Variants in VWA8 observed in about 807,000 individuals in gnomAD.
VWA8 encodes the protein von Willebrand factor A domain containing 8.
VWA8 carries 221 observed loss-of-function variants against 241.5 expected under a neutral mutation model. The observed-to-expected ratio is 0.91, with a 90% CI of 0.82 to 1.02. The LOEUF (loss-of-function observed/expected upper bound fraction) is 1.02, where lower values mean the gene tolerates loss of function less well. Among genes scored for constraint, VWA8 ranks in the 50% least tolerant of loss-of-function variants. The probability of loss-of-function intolerance (pLI) is 0.00; values close to 1 mark genes in which losing one functional copy is unlikely to be tolerated. For missense variants in VWA8, 2,322 were observed against 2,328.7 expected (o/e 1.00, Z 0.06); for synonymous variants, 852 against 827.1 (o/e 1.03, Z -0.52).
chr13:41,657,116 A>G (rs574764272), intron 37 of VWA8, among the ~76,000 whole-genome samples: 1 of 152,258 alleles, frequency 6.6e-6, no homozygotes, highest in Admixed American at 6.5e-5. Flanking sequence ...CTGAAATTAC[A>G]CGGAGAGACA....
At chr13:41,771,994 G>T (rs1483629499) in intron 20 of VWA8, among the ~76,000 whole-genome samples, 3 of 146,574 alleles carry the variant, frequency 2.0e-5, no homozygotes, top group African/African-American at 7.5e-5. Context: ...GGGCTCAAGC[G>T]ATTCTCCCGC....
In VWA8 at chr13:41,907,693, G is replaced by C; in HGVS notation, c.376C>G (p.Leu126Val). 1 of 1,613,406 alleles carries C rather than the reference G, an allele frequency of 6.2e-7. No homozygotes were observed. Among genetic ancestry groups the C allele is most frequent in the Non-Finnish European group, 8.5e-7 (1 of 1,179,378 alleles). Residue 126 changes from leucine (L) to valine (V), a missense_variant, in exon 4 of 45, where the codon CTG becomes GTG. Leu to Val is a conservative substitution (Grantham distance 32). Coordinates refer to ENST00000379310, the MANE Select transcript of VWA8 (RefSeq NM_015058.2). ...RRSIAMQYLE[L>V]TKREVEYIAL... ...ATGTATTCGACCTCCCGTTTGGTCAGCTCCTGTAGAGAAGAGAATGAAATT... is the reference window on the plus strand; with the variant it reads ...ATGTATTCGACCTCCCGTTTGGTCACCTCCTGTAGAGAAGAGAATGAAATT...
intron 37 of VWA8, among the ~76,000 whole-genome samples, chr13:41,625,319 C>T (rs948432726): frequency 8.6e-5 from 13 of 151,950 alleles, no homozygotes; most frequent in Admixed American, 2.6e-4. Flanking sequence ...AGAAAATTTT[C>T]GCAACCTACT....
intron 12 of VWA8, among the ~76,000 whole-genome samples, chr13:41,849,108 C>T (rs990316616): frequency 6.6e-6 from 1 of 152,178 alleles, no homozygotes; most frequent in Non-Finnish European, 1.5e-5. Context: ...ATGGCTTCCA[C>T]TTCAAACAGC....
chr13:41,758,540 A>T (rs1045951040), intron 21 of VWA8, among the ~76,000 whole-genome samples: 2 of 116,520 alleles, frequency 1.7e-5, no homozygotes, highest in African/African-American at 6.3e-5. Flanking sequence ...AATACAATTG[A>T]TTTTTGTACA....
Position 41,783,893 on chromosome 13 carries a change from T to C in VWA8, c.2179A>G (p.Thr727Ala). The C allele has an allele frequency of 3.1e-6, 5 of 1,612,992 alleles. No homozygotes were observed. The highest frequency in any genetic ancestry group is 4.2e-6 in the Non-Finnish European group (5 of 1,179,340). Residue 727 changes from threonine (T) to alanine (A), a missense_variant, in exon 19 of 45, where the codon ACA becomes GCA. Transcript: ENST00000379310. ...GCACCAATCCTCAGAGTTCCAGATGTTACTTCACCTAAACATTTCACACAG... is the reference window on the plus strand; with the variant it reads ...GCACCAATCCTCAGAGTTCCAGATGCTACTTCACCTAAACATTTCACACAG... The part of the protein sequence containing the change: ...PELKDYKCEV[T>A]SGTLRIGAVS...
intron 37 of VWA8, among the ~76,000 whole-genome samples, chr13:41,648,049 C>T (rs551196618): frequency 6.6e-6 from 1 of 151,964 alleles, no homozygotes. Context: ...ATAAAACCCA[C>T]CACCTAGGAG....
At chr13:41,579,142 A>G (rs2044367684) in intron 42 of VWA8, among the ~76,000 whole-genome samples, 1 of 152,220 alleles carries the variant, frequency 6.6e-6, no homozygotes. Context: ...AGGAGATGCT[A>G]TGCTTTATTA....
At chr13:41,662,359 T>C (rs538908469) in intron 37 of VWA8, among the ~76,000 whole-genome samples, 4 of 152,288 alleles carry the variant, frequency 2.6e-5, no homozygotes, top group Non-Finnish European at 5.9e-5. Context: ...ACAAGTCTTA[T>C]TGATTTATAC....
chr13:41,694,648 A>C (rs1270046025), intron 29 of VWA8, among the ~76,000 whole-genome samples: 1 of 152,108 alleles, frequency 6.6e-6, no homozygotes, highest in Non-Finnish European at 1.5e-5. Context: ...TTCTTGTATA[A>C]TAAATATGTA....
Position 41,867,438 on chromosome 13 carries a change from T to C in VWA8, c.1212+908A>G, listed in dbSNP as rs75358453. On this transcript the variant is annotated intron_variant, in intron 10 of 44. Coordinates refer to ENST00000379310, the MANE Select transcript of VWA8 (RefSeq NM_015058.2). ...AGTATAGTGGGGAACTGTCCCTGTC[T>C]AGAAATCCCAGCTGTGCCATCTCCT... Among the ~76,000 whole-genome samples, 994 of 152,326 alleles carry C rather than the reference T, an allele frequency of 6.5e-3. 4 individuals carry two copies. Among genetic ancestry groups the C allele is most frequent in the Non-Finnish European group, 9.3e-3 (630 of 68,038 alleles).
chr13:41,913,387 A>G (rs1374175178), intron 2 of VWA8, among the ~76,000 whole-genome samples: 1 of 152,196 alleles, frequency 6.6e-6, no homozygotes, highest in East Asian at 1.9e-4. Flanking sequence ...AGTGTTTATT[A>G]TGTTGCATTT....
intron 18 of VWA8, among the ~76,000 whole-genome samples, chr13:41,786,417 A>G (rs1429738665): frequency 6.6e-6 from 1 of 152,146 alleles, no homozygotes; most frequent in Non-Finnish European, 1.5e-5. Flanking sequence ...ATGGCCTTAA[A>G]GATGAATGGA....
chr13:41,802,547 C>T (rs547741101), intron 17 of VWA8, among the ~76,000 whole-genome samples: 1 of 152,352 alleles, frequency 6.6e-6, no homozygotes, highest in Admixed American at 6.5e-5. Context: ...CCTTCCTCAA[C>T]TCCAGGCAGC....
rs772199651 is a variant in VWA8 at position 41,719,652 on chromosome 13, T to G, written c.3055A>C (p.Thr1019Pro). The change falls in exon 26 of 45, where the codon ACT (threonine) becomes CCT (proline). Residue 1019 changes from threonine to proline, a missense_variant. Physicochemically the swap from Thr to Pro is conservative, Grantham distance 38. Coordinates refer to ENST00000379310, the MANE Select transcript of VWA8 (RefSeq NM_015058.2). ...ATAGGTATCCCGTATTTGTGTAAAG[T>G]GTTAATCAATATCTCCCTCATGTCA... ...NNDMREILIN[T>P]LHKYGIPIGA... 4 of 1,613,278 alleles carry G rather than the reference T, an allele frequency of 2.5e-6. No individual in the cohort carries two copies. The highest frequency in any genetic ancestry group is 3.4e-6 in the Non-Finnish European group (4 of 1,179,474).
At chr13:41,595,150 G>T (rs1282452107) in intron 40 of VWA8, among the ~76,000 whole-genome samples, 3 of 152,186 alleles carry the variant, frequency 2.0e-5, no homozygotes, top group Non-Finnish European at 2.9e-5. Context: ...AGCAAAACAT[G>T]TAACTCTCAG....
intron 18 of VWA8, among the ~76,000 whole-genome samples, chr13:41,784,729 T>TATATATATATATATATATATATAC (rs772522331): frequency 3.3e-5 from 2 of 60,082 alleles, no homozygotes; most frequent in African/African-American, 1.1e-4. Context: ...TATATATATA[T>TATATATATATATATATATATATAC]ACACACACAT....
At chr13:41,842,006 C>T (rs1435217731) in intron 12 of VWA8, among the ~76,000 whole-genome samples, 3 of 150,192 alleles carry the variant, frequency 2.0e-5, no homozygotes, top group Non-Finnish European at 3.0e-5. Context: ...CTTATTATAC[C>T]AGGAAAATAC....
In VWA8 at chr13:41,615,020, T is replaced by C. The variant is rs753574391; in HGVS notation, c.4676A>G (p.Asp1559Gly). 1.6e-5 allele frequency: 26 copies of C among 1,613,796 alleles called. No homozygotes were observed. The highest frequency in any genetic ancestry group is 3.3e-5 in the Admixed American group (2 of 59,996). Reference sequence around the variant, plus strand: ...GTTGCCGCCCACGTGAGGCATGTTGTCTGGGTCCTCCTTCCCGTGTTTGGG... The same window carrying C: ...GTTGCCGCCCACGTGAGGCATGTTGCCTGGGTCCTCCTTCCCGTGTTTGGG... The part of the protein sequence containing the change: ...SSPKHGKEDP[D>G]NMPHVGGNTW... Residue 1559 changes from aspartate (D) to glycine (G), a missense_variant, in exon 38 of 45, where the codon GAC (aspartate) becomes GGC (glycine). Coordinates refer to ENST00000379310, the MANE Select transcript of VWA8 (RefSeq NM_015058.2).
Sources: gnomAD v4.1 joint callset for allele counts (sites outside exome capture counted in the v4.1 genomes callset) on GRCh38, gnomAD v4.1.1 for gene constraint, MANE v1.5 for transcripts, NCBI Gene and HGNC (gene_info 2026-07-23, HGNC 2026-07-21) for gene names.